The following BEST1 variants were observed in gnomAD, a reference collection of about 807,000 sequenced individuals.
BEST1 encodes the protein bestrophin 1.
Under a neutral mutation model 63.3 loss-of-function variants are expected in BEST1, and 58 were observed. The ratio of observed to expected loss-of-function variants is 0.92; its 90% CI spans 0.74 to 1.14. BEST1 has a LOEUF of 1.14. Among genes scored for constraint, BEST1 ranks in the 50% most tolerant of loss-of-function variants. BEST1 has a pLI of 0.00. For synonymous variants in BEST1, 283 were observed against 291.6 expected (o/e 0.97, Z 0.30); for missense variants, 671 against 740.1 (o/e 0.91, Z 1.08).
downstream of BEST1, chr11:61,964,522 T>C: frequency 1.5e-6 from 1 of 658,176 alleles, no homozygotes; most frequent in African/African-American, 1.8e-5. Flanking sequence ...GAAGATAGCC[T>C]GGATAGATTT....
rs1237667942 is a variant in BEST1 at position 61,951,766 on chromosome 11, A to C, written c.-36-5A>C. Reference sequence around the variant, plus strand: ...AAACCCCCAATCGGTGTCCCTCTCTACCAGGACCCAAGCCCACCTGCTGCA... The same window carrying C: ...AAACCCCCAATCGGTGTCCCTCTCTCCCAGGACCCAAGCCCACCTGCTGCA... On this transcript the variant is annotated splice_region_variant and splice_polypyrimidine_tract_variant and intron_variant, in intron 1 of 10. Coordinates refer to ENST00000378043, the MANE Select transcript of BEST1 (RefSeq NM_004183.4). The C allele has an allele frequency of 2.5e-6, 4 of 1,608,376 alleles. No homozygotes were observed. The African/African-American group carries it at 5.3e-5, about 22-fold the overall frequency.
At chr11:61,963,463 C>T in intron 10 of BEST1, 1 of 1,114,212 alleles carries the variant, frequency 9.0e-7, no homozygotes, top group Non-Finnish European at 1.1e-6. Context: ...CTTCTTGCTT[C>T]CTTGGGGTCA....
At position 61,962,429 on chromosome 11, in the gene BEST1, G is replaced by A; in HGVS notation, c.1275G>A (p.Leu425=). Residue 425 remains leucine, a synonymous_variant, in exon 10 of 11, where the codon CTG becomes CTA. Coordinates refer to ENST00000378043, the MANE Select transcript of BEST1 (RefSeq NM_004183.4). ...GGGAATCCCTTCTCCACGAGGGCCT[G>A]CCCAAAAACCACAAGGCAGCCAAAC... The part of the protein sequence containing the change: ...PKRESLLHEG[L]PKNHKAAKQN... 1 of 1,614,188 alleles carries A rather than the reference G, an allele frequency of 6.2e-7. No homozygotes were observed. The highest frequency in any genetic ancestry group is 8.5e-7 in the Non-Finnish European group (1 of 1,180,040).
In BEST1 at chr11:61,951,952, T is replaced by C. The variant is rs1406033170; in HGVS notation, c.146T>C (p.Ile49Thr). 2 of 1,613,554 alleles carry C rather than the reference T, an allele frequency of 1.2e-6. No individual in the cohort carries two copies. Among genetic ancestry groups the C allele is most frequent in the African/African-American group, 2.7e-5 (2 of 74,914 alleles). Residue 49 changes from isoleucine (I) to threonine (T), a missense_variant, in exon 2 of 11, where the codon ATT (isoleucine) becomes ACT (threonine). Transcript: ENST00000378043. ...FLLCYYIIRF[I>T]YRLALTEEQQ... Reference sequence around the variant, plus strand: ...CTCTGCTACTACATCATCCGCTTTATTTATAGGTAAAGCTGGCAGGGCTGG... The same window carrying C: ...CTCTGCTACTACATCATCCGCTTTACTTATAGGTAAAGCTGGCAGGGCTGG...
At chr11:61,964,039 C>A in intron 10 of BEST1, 65 bp from the exon 11 acceptor site, 1 of 1,609,076 alleles carries the variant, frequency 6.2e-7, no homozygotes, top group Non-Finnish European at 8.5e-7. Flanking sequence ...CCTACTGCAA[C>A]ATTTTGGTAT....
chr11:61,964,157 T>G lies in BEST1; in HGVS notation c.*35T>G. 1 of 1,613,606 alleles carries G rather than the reference T, an allele frequency of 6.2e-7. No individual in the cohort carries two copies. The highest frequency in any genetic ancestry group is 8.5e-7 in the Non-Finnish European group (1 of 1,179,956). On this transcript the variant is annotated 3_prime_UTR_variant, in exon 11 of 11. Coordinates refer to ENST00000378043, the MANE Select transcript of BEST1 (RefSeq NM_004183.4). ...TAATGGGGATGCTTCGCCAGCCAGGTCCTCACCTGTGTGTACACCAGCAGG... is the reference window on the plus strand; with the variant it reads ...TAATGGGGATGCTTCGCCAGCCAGGGCCTCACCTGTGTGTACACCAGCAGG...
chr11:61,959,408 T>G (rs1591300794), intron 7 of BEST1, 90 bp from the exon 8 acceptor site: 3 of 1,247,604 alleles, frequency 2.4e-6, no homozygotes, highest in South Asian at 1.2e-5. Context: ...CGTCATGGGG[T>G]GTGGAAATAG....
In BEST1 at chr11:61,963,277, GCAGT is replaced by G. The variant is rs1942270078; in HGVS notation, c.1739+388_1739+391del. 11 of 1,370,348 alleles carry G rather than the reference GCAGT, an allele frequency of 8.0e-6. No homozygotes were observed. In the South Asian group the frequency reaches 2.2e-4, roughly 28 times the overall value. 84.9% of individuals were successfully genotyped at this position (1,370,348 alleles called of 1,614,324 possible). On this transcript the variant is annotated intron_variant, in intron 10 of 10. Transcript: ENST00000378043. ...GTGGCTGACCCAAAACCATGAGGTG[GCAGT>G]CAGCTGGATGACAGATGAACACTTC... is the stretch of plus-strand genomic sequence containing the variant.
chr11:61,952,649 G>C (rs1049408726), intron 2 of BEST1, among the ~76,000 whole-genome samples: 1 of 142,546 alleles, frequency 7.0e-6, no homozygotes, highest in African/African-American at 2.6e-5. Flanking sequence ...TTTTTTTTCT[G>C]TATTTTTAGT....
chr11:61,957,026 C>G (rs57846215), intron 5 of BEST1, 28 bp downstream of exon 5: 4 of 1,613,816 alleles, frequency 2.5e-6, no homozygotes, highest in African/African-American at 1.3e-5. Flanking sequence ...ACAGGGCTGC[C>G]GCAGAGTGGG....
chr11:61,961,965 G>A (rs1405379486), intron 9 of BEST1: 1 of 470,214 alleles, frequency 2.1e-6, no homozygotes, highest in Non-Finnish European at 3.9e-6. Flanking sequence ...TTTTACAGGG[G>A]AAGTGAATGA....
At position 61,958,232 on chromosome 11, in the gene BEST1, T is replaced by C. The variant is rs1041871499; in HGVS notation, c.801T>C (p.His267=). The C allele has an allele frequency of 6.2e-7, 1 of 1,611,966 alleles. No individual in the cohort carries two copies. Among genetic ancestry groups the C allele is most frequent in the Non-Finnish European group, 8.5e-7 (1 of 1,177,950 alleles). Residue 267 remains histidine (H), a synonymous_variant, in exon 7 of 11, where the codon CAT becomes CAC. Transcript: ENST00000378043. ...FLNPAKAYPG[H]ELDLVVPVFT... is the part of the protein sequence containing the mutation. ...ACCCAGCCAAGGCCTACCCTGGCCA[T>C]GAGCTGGACCTCGTTGTGCCCGTCT...
At chr11:61,954,698 C>A in intron 2 of BEST1, 1 of 703,558 alleles carries the variant, frequency 1.4e-6, no homozygotes, top group Non-Finnish European at 1.7e-6. Flanking sequence ...CTTGGTCCTG[C>A]CTTAGCCTCC....
At chr11:61,961,064 C>G (rs1335053270) in intron 9 of BEST1, 1 of 151,482 alleles carries the variant, frequency 6.6e-6, no homozygotes, top group Non-Finnish European at 1.5e-5. Flanking sequence ...TTGCCCAGAG[C>G]TGGAGTGCAG....
At position 61,964,156 on chromosome 11, in the gene BEST1, G is replaced by C. The variant is rs1485838608; in HGVS notation, c.*34G>C. On this transcript the variant is annotated 3_prime_UTR_variant, in exon 11 of 11. Transcript: ENST00000378043. ...CTAATGGGGATGCTTCGCCAGCCAG[G>C]TCCTCACCTGTGTGTACACCAGCAG... is the stretch of plus-strand genomic sequence containing the variant. 3.7e-6 allele frequency: 6 copies of C among 1,613,412 alleles called. No homozygotes were observed. Among genetic ancestry groups the C allele is most frequent in the Admixed American group, 1.7e-5 (1 of 59,974 alleles).
At chr11:61,955,326 T>TCGGCGCCTCTCTGTAGGGAAAG in intron 3 of BEST1, 125 bp downstream of exon 3, 2 of 1,549,218 alleles carry the variant, frequency 1.3e-6, no homozygotes, top group Non-Finnish European at 8.7e-7. Context: ...CAGCGGCAGG[T>TCGGCGCCTCTCTGTAGGGAAAG]CGGCGCCTCT....
At position 61,962,465 on chromosome 11, in the gene BEST1, G is replaced by A. The variant is rs760747956; in HGVS notation, c.1311G>A (p.Arg437=). The change falls in exon 10 of 11, where the codon AGG becomes AGA. Residue 437 remains arginine (R), a synonymous_variant. Coordinates refer to ENST00000378043, the MANE Select transcript of BEST1 (RefSeq NM_004183.4). ...KNHKAAKQNV[R]GQEDNKAWKL... ...ACAAGGCAGCCAAACAGAACGTTAG[G>A]GGCCAGGAAGACAACAAGGCCTGGA... 1.2e-6 allele frequency: 2 copies of A among 1,614,192 alleles called. No homozygotes were observed. The highest frequency in any genetic ancestry group is 2.2e-5 in the East Asian group (1 of 44,882).
chr11:61,959,470 G>C (rs1428237091), intron 7 of BEST1, 28 bp from the exon 8 acceptor site: 1 of 1,611,734 alleles, frequency 6.2e-7, no homozygotes, highest in South Asian at 1.1e-5. Context: ...TCTGCCTGAG[G>C]GTTTACAGAG....
chr11:61,960,098 C>T (rs1245861274), intron 9 of BEST1, 55 bp downstream of exon 9: 2 of 1,578,006 alleles, frequency 1.3e-6, no homozygotes, highest in Non-Finnish European at 1.7e-6. Flanking sequence ...CAGGGGTCTG[C>T]CTAGGAACTT....
Sources: gnomAD v4.1 joint callset for allele counts (sites outside exome capture counted in the v4.1 genomes callset) on GRCh38, gnomAD v4.1.1 for gene constraint, MANE v1.5 for transcripts, NCBI Gene and HGNC (gene_info 2026-07-23, HGNC 2026-07-21) for gene names.